The following MROH2A variants were observed in gnomAD, a reference collection of about 807,000 sequenced individuals.
MROH2A encodes the protein maestro heat like repeat family member 2A.
Under a neutral mutation model 200.4 loss-of-function variants are expected in MROH2A, and 174 were observed. The observed-to-expected ratio is 0.87, with a 90% CI of 0.77 to 0.98. The LOEUF (loss-of-function observed/expected upper bound fraction) is 0.98. MROH2A is among the 50% of genes least tolerant of loss of function. The pLI is 0.00. For synonymous variants in MROH2A, 829 were observed against 840.4 expected, an observed-to-expected ratio of 0.99 and a Z score of 0.23; for missense variants, 2,045 against 2,139.6, an observed-to-expected ratio of 0.96 and a Z score of 0.87.
chr2:233,811,034 G>C (rs1459949882), intron 23 of MROH2A, 118 bp downstream of exon 23: 6 of 1,178,608 alleles, frequency 5.1e-6, no homozygotes, highest in Non-Finnish European at 7.1e-6. Flanking sequence ...GTCCTTCCCT[G>C]TCTTGGCTCT....
chr2:233,816,097 G>T (rs552137275), intron 26 of MROH2A, among the ~76,000 whole-genome samples: 93 of 152,096 alleles, frequency 6.1e-4, no homozygotes, highest in African/African-American at 2.2e-3. Flanking sequence ...GATTTATTTT[G>T]TTGCCCAGAT....
At chr2:233,814,342 G>T (rs746589348) in intron 25 of MROH2A, among the ~76,000 whole-genome samples, 2 of 152,234 alleles carry the variant, frequency 1.3e-5, no homozygotes, top group Non-Finnish European at 2.9e-5. Context: ...TGCCTCCAGG[G>T]CTTGGCCCTG....
intron 8 of MROH2A, among the ~76,000 whole-genome samples, chr2:233,795,319 G>A (rs1238568604): frequency 2.6e-5 from 4 of 152,016 alleles, no homozygotes; most frequent in African/African-American, 9.7e-5. Context: ...AGCAAGGAGT[G>A]GAAAGGGATG....
intron 11 of MROH2A, among the ~76,000 whole-genome samples, chr2:233,797,715 C>G (rs1156970149): frequency 1.3e-5 from 2 of 152,046 alleles, no homozygotes; most frequent in African/African-American, 4.8e-5. Context: ...AGTATTTGCC[C>G]TAATGCTCTC....
In MROH2A at chr2:233,823,683, G is replaced by T. The variant is rs549967610; in HGVS notation, c.4113+19G>T. ...GGTCTGCGTGGAAATGAGGCACCGG[G>T]TGTGGGCGGGGTGCAAGCGGAGGGG... On this transcript the variant is annotated intron_variant, in intron 35 of 41. Transcript: ENST00000389758. 7 of 1,547,374 alleles carry T rather than the reference G, an allele frequency of 4.5e-6. No homozygotes were observed. In the African/African-American group the frequency reaches 8.2e-5, roughly 18 times the overall value.
In MROH2A at chr2:233,833,255, C is replaced by A; in HGVS notation, c.5021C>A (p.Ser1674Tyr). 1 of 1,536,350 alleles carries A rather than the reference C, an allele frequency of 6.5e-7. No individual in the cohort carries two copies. Among genetic ancestry groups the A allele is most frequent in the Non-Finnish European group, 8.7e-7 (1 of 1,142,954 alleles). Reference protein sequence around the residue: ...HGFLASPQGMS With the variant: ...HGFLASPQGMY ...TTTCTGGCTTCACCCCAAGGAATGTCCTAGGTGGTCCAAACATAAGACGTA... is the reference window on the plus strand; with the variant it reads ...TTTCTGGCTTCACCCCAAGGAATGTACTAGGTGGTCCAAACATAAGACGTA... Residue 1674 changes from serine (S) to tyrosine (Y), a missense_variant, in exon 42 of 42, where the codon TCC (serine) becomes TAC (tyrosine). Physicochemically the swap from Ser to Tyr is moderately radical, Grantham distance 144. Coordinates refer to ENST00000389758, the MANE Select transcript of MROH2A (RefSeq NM_001394639.1).
intron 6 of MROH2A, 37 bp from the exon 7 acceptor site, chr2:233,793,636 T>C (rs1220537045): frequency 1.5e-6 from 2 of 1,343,456 alleles, no homozygotes; most frequent in African/African-American, 3.0e-5. Context: ...TTCCAGCCCC[T>C]CTGGCGCCAA....
chr2:233,795,558 C>T (rs558374295), intron 8 of MROH2A, 95 bp from the exon 9 acceptor site: 280 of 1,533,396 alleles, frequency 1.8e-4, no homozygotes, highest in Middle Eastern at 3.4e-4. Flanking sequence ...AATGCTGGTG[C>T]TCAGTGGGTC....
At position 233,827,547 on chromosome 2, in the gene MROH2A, C is replaced by T. The variant is rs188265127; in HGVS notation, c.4114-1083C>T. Among the ~76,000 whole-genome samples, 335 of 152,102 alleles carry T rather than the reference C, an allele frequency of 2.2e-3. 2 individuals are homozygous for T. Among genetic ancestry groups the T allele is most frequent in the African/African-American group, 7.7e-3 (319 of 41,460 alleles). On this transcript the variant is annotated intron_variant, in intron 35 of 41. Coordinates refer to ENST00000389758, the MANE Select transcript of MROH2A (RefSeq NM_001394639.1). ...AGATCACATGGACACAGGGAGAGGA[C>T]CAACACACACTGGGCCTGTTGGGAG...
In MROH2A at chr2:233,820,260, G is replaced by A. The variant is rs567201974; in HGVS notation, c.3512+204G>A. On this transcript the variant is annotated intron_variant, in intron 31 of 41. Transcript: ENST00000389758. The surrounding 1 kb of genome is among the most constrained non-coding windows in gnomAD (Gnocchi z 4.1). Reference sequence around the variant, plus strand: ...ACAGAGCCCAGGCTTGTAGAACTTCGCCACATGGAGCTGGAATCTGGACCC... The same window carrying A: ...ACAGAGCCCAGGCTTGTAGAACTTCACCACATGGAGCTGGAATCTGGACCC... 3.6e-4 allele frequency among the ~76,000 whole-genome samples: 55 copies of A among 151,994 alleles called. No homozygotes were observed. The highest frequency in any genetic ancestry group is 2.6e-3 in the East Asian group (13 of 4,934).
At chr2:233,822,308 G>T (rs1703998783) in intron 32 of MROH2A, 25 bp downstream of exon 32, 1 of 1,548,364 alleles carries the variant, frequency 6.5e-7, no homozygotes, top group Non-Finnish European at 8.7e-7. Context: ...CAGGCCCCAA[G>T]GCTCCTCAGG....
chr2:233,811,688 C>G (rs2126147564), intron 23 of MROH2A, among the ~76,000 whole-genome samples, 192 bp from the exon 24 acceptor site: 1 of 152,346 alleles, frequency 6.6e-6, no homozygotes, highest in African/African-American at 2.4e-5. Flanking sequence ...GGAGCCCAGG[C>G]CCACTTTGGG....
intron 6 of MROH2A, among the ~76,000 whole-genome samples, 158 bp from the exon 7 acceptor site, chr2:233,793,515 G>A (rs1701912820): frequency 6.6e-6 from 1 of 152,158 alleles, no homozygotes; most frequent in Non-Finnish European, 1.5e-5. Flanking sequence ...GGCACGCAGA[G>A]TAAAAATGAA....
At chr2:233,832,111 G>T in intron 39 of MROH2A, 66 bp from the exon 40 acceptor site, 1 of 1,323,208 alleles carries the variant, frequency 7.6e-7, no homozygotes, top group Non-Finnish European at 1.1e-6. Context: ...GAACACGCTT[G>T]ATGAATGACA....
chr2:233,832,104 C>T, intron 39 of MROH2A, 73 bp from the exon 40 acceptor site: 1 of 1,260,186 alleles, frequency 7.9e-7, no homozygotes, highest in Non-Finnish European at 1.1e-6. Context: ...GTGATGGGAA[C>T]ACGCTTGATG....
intron 5 of MROH2A, among the ~76,000 whole-genome samples, chr2:233,792,431 G>A (rs1236437535): frequency 6.6e-6 from 1 of 151,460 alleles, no homozygotes; most frequent in Non-Finnish European, 1.5e-5. Context: ...TCCTGCCTCT[G>A]CCTCCCGAGT....
At chr2:233,777,052 T>G (rs1287544638), upstream of MROH2A, among the ~76,000 whole-genome samples, 1 of 152,202 alleles carries the variant, frequency 6.6e-6, no homozygotes, top group African/African-American at 2.4e-5. Context: ...TGGGTGAGAC[T>G]CTAGTTGTGC....
At chr2:233,797,819 G>C (rs1202887670) in intron 11 of MROH2A, among the ~76,000 whole-genome samples, 1 of 151,986 alleles carries the variant, frequency 6.6e-6, no homozygotes, top group African/African-American at 2.4e-5. Flanking sequence ...CCACTTATGA[G>C]TGAGAACATG....
At chr2:233,808,170 C>T (rs140276617) in intron 21 of MROH2A, among the ~76,000 whole-genome samples, 172 of 152,202 alleles carry the variant, frequency 1.1e-3, no homozygotes, top group African/African-American at 3.8e-3. Flanking sequence ...ATGTAGAGTC[C>T]CAGGCCCCAC....
Sources: gnomAD v4.1 joint callset for allele counts (sites outside exome capture counted in the v4.1 genomes callset) on GRCh38, gnomAD v4.1.1 for gene constraint, Gnocchi (gnomAD v3.1) non-coding constraint, MANE v1.5 for transcripts, NCBI Gene and HGNC (gene_info 2026-07-23, HGNC 2026-07-21) for gene names.